The following AP1G1 variants were observed in gnomAD, a reference collection of about 807,000 sequenced individuals.
The protein encoded by AP1G1 is AP-1 complex subunit gamma-1.
Under a neutral mutation model 108.3 loss-of-function variants are expected in AP1G1, and 7 were observed. The observed-to-expected ratio is 0.06, with a 90% CI of 0.04 to 0.12. The LOEUF is 0.12. Ranked by LOEUF, AP1G1 falls within the 10% of genes least tolerant of loss-of-function variation. The pLI is 1.00. For synonymous variants in AP1G1, 379 were observed against 353.5 expected, an observed-to-expected ratio of 1.07 and a Z score of -0.81; for missense variants, 756 against 1,010.7, an observed-to-expected ratio of 0.75 and a Z score of 3.42.
At chr16:71,777,612 T>TG (rs1309796464) in intron 2 of AP1G1, 8 of 422,094 alleles carry the variant, frequency 1.9e-5, no homozygotes, top group African/African-American at 1.4e-4. Context: ...GTCATGCCGA[T>TG]GCCCCATTCT....
In AP1G1 at chr16:71,776,140, A is replaced by G. The variant is rs751446063; in HGVS notation, c.202-1548T>C. Among the ~76,000 whole-genome samples, 11 of 152,242 alleles carry G rather than the reference A, an allele frequency of 7.2e-5. 1 individual carries two copies. The highest frequency in any genetic ancestry group is 8.8e-5 in the Non-Finnish European group (6 of 68,042). ...GTATACAGGAAGCTAAAATCACGTG[A>G]GACTACTTTCCATTATGAATTTATC... On this transcript the variant is annotated intron_variant, in intron 2 of 22. Transcript: ENST00000299980.
At chr16:71,771,997 G>T (rs2031589176) in intron 4 of AP1G1, among the ~76,000 whole-genome samples, 1 of 152,000 alleles carries the variant, frequency 6.6e-6, no homozygotes, top group Non-Finnish European at 1.5e-5. Context: ...ACTGATTTTT[G>T]TATATCCCCC....
intron 3 of AP1G1, among the ~76,000 whole-genome samples, 166 bp from the exon 4 acceptor site, chr16:71,773,528 T>C (rs954007059): frequency 2.0e-5 from 3 of 152,160 alleles, no homozygotes; most frequent in Admixed American, 1.3e-4. Flanking sequence ...ATTATCAATA[T>C]AGTAAACAGA....
chr16:71,765,638 G>C, intron 6 of AP1G1, 54 bp from the exon 7 acceptor site: 1 of 1,398,136 alleles, frequency 7.2e-7, no homozygotes, highest in African/African-American at 1.4e-5. Flanking sequence ...AATGTCTCAT[G>C]AATAAGCAGG....
chr16:71,754,338 GAAA>G (rs2030664860), intron 12 of AP1G1, among the ~76,000 whole-genome samples: 1 of 141,728 alleles, frequency 7.1e-6, no homozygotes, highest in Non-Finnish European at 1.6e-5. Flanking sequence ...AGAAAAGAAA[GAAA>G]AAGAAAGAAA....
At chr16:71,770,070 A>C (rs184149908) in intron 5 of AP1G1, among the ~76,000 whole-genome samples, 1 of 152,342 alleles carries the variant, frequency 6.6e-6, no homozygotes, top group Admixed American at 6.5e-5. Context: ...AGATAATTCA[A>C]GAGGCAAAAA....
chr16:71,779,265 G>A (rs978951895), intron 2 of AP1G1, among the ~76,000 whole-genome samples: 3 of 110,458 alleles, frequency 2.7e-5, no homozygotes, highest in African/African-American at 6.9e-5. Flanking sequence ...CCCCACCCCC[G>A]CCAATATTCT....
intron 10 of AP1G1, among the ~76,000 whole-genome samples, chr16:71,760,236 T>G (rs548307115): frequency 6.6e-6 from 1 of 151,532 alleles, no homozygotes; most frequent in East Asian, 1.9e-4. Flanking sequence ...ACATCTTTTT[T>G]TTTTTTTTTT....
chr16:71,801,922 C>CAAAAAAAAAAAAAA (rs901972267), intron 1 of AP1G1, among the ~76,000 whole-genome samples: 4 of 63,764 alleles, frequency 6.3e-5, no homozygotes, highest in Admixed American at 1.9e-4. Flanking sequence ...ACTCCGTAAC[C>CAAAAAAAAAAAAAA]AAAAAAAAAA....
intron 21 of AP1G1, among the ~76,000 whole-genome samples, chr16:71,734,911 C>T (rs1597029502): frequency 6.6e-6 from 1 of 152,182 alleles, no homozygotes; most frequent in Admixed American, 6.5e-5. Context: ...ATCCACTGTT[C>T]GGTTCTTTGA....
rs556640233 is a variant in AP1G1, at chr16:71,776,850, C to T, written c.202-2258G>A. Among the ~76,000 whole-genome samples the T allele has an allele frequency of 2.5e-4, 38 of 152,154 alleles. No individual in the cohort carries two copies. The East Asian group carries it at 7.1e-3, about 29-fold the overall frequency. ...GCAGGCCAGGAGCAGTGGCTCATGC[C>T]TGTAATCCCAGCACTTTGGGAGGCC... On this transcript the variant is annotated intron_variant, in intron 2 of 22. Transcript: ENST00000299980.
intron 13 of AP1G1, 200 bp from the exon 14 acceptor site, chr16:71,750,532 A>C: frequency 4.1e-6 from 2 of 489,516 alleles, no homozygotes; most frequent in Non-Finnish European, 3.6e-6. Context: ...CTCATGCCTC[A>C]GCCTCCCAAG....
chr16:71,806,729 C>A (rs1474429926), intron 1 of AP1G1: 1 of 1,287,130 alleles, frequency 7.8e-7, no homozygotes, highest in South Asian at 1.2e-5. Context: ...TTGACAGTTC[C>A]TTTAAACCAA....
chr16:71,774,111 C>T (rs958727805), intron 3 of AP1G1, among the ~76,000 whole-genome samples: 1 of 142,268 alleles, frequency 7.0e-6, no homozygotes. Context: ...GGCACAGTGG[C>T]TCAAGCCTGT....
chr16:71,738,188 T>C (rs1295646827), intron 21 of AP1G1, among the ~76,000 whole-genome samples: 1 of 151,900 alleles, frequency 6.6e-6, no homozygotes, highest in African/African-American at 2.4e-5. Context: ...GTAACTGGGA[T>C]TAGAGGAACC....
intron 21 of AP1G1, among the ~76,000 whole-genome samples, chr16:71,736,127 T>A (rs373648361): frequency 0.29 from 19,348 of 67,260 alleles, 2,635 homozygotes; most frequent in South Asian, 0.52. Flanking sequence ...AATATATATA[T>A]ATATATATAT....
chr16:71,755,818 G>C (rs1457588820), intron 12 of AP1G1: 2 of 534,794 alleles, frequency 3.7e-6, no homozygotes, highest in Admixed American at 6.2e-5. Flanking sequence ...ACAAATTTTT[G>C]TATTTTTAGT....
intron 22 of AP1G1, among the ~76,000 whole-genome samples, chr16:71,733,749 C>G (rs867634934): frequency 6.6e-6 from 1 of 152,144 alleles, no homozygotes; most frequent in Non-Finnish European, 1.5e-5. Context: ...TGAACATATA[C>G]TCATCGTACG....
chr16:71,783,673 G>T (rs2032102675), intron 2 of AP1G1, among the ~76,000 whole-genome samples: 1 of 152,146 alleles, frequency 6.6e-6, no homozygotes, highest in Non-Finnish European at 1.5e-5. Context: ...ATTGGGTATG[G>T]CAAGCAAGGC....
Sources: allele counts gnomAD v4.1 joint callset (sites outside exome capture counted in the v4.1 genomes callset), GRCh38; gene constraint gnomAD v4.1.1; transcripts MANE v1.5; gene names NCBI Gene and HGNC (gene_info 2026-07-23, HGNC 2026-07-21).